The following COL24A1 variants were observed in gnomAD, a reference collection of about 807,000 sequenced individuals.
The protein encoded by COL24A1 is collagen type XXIV alpha 1 chain.
A neutral mutation model predicts 253.9 loss-of-function variants in COL24A1; 224 were observed. The ratio of observed to expected loss-of-function variants is 0.88; its 90% CI spans 0.79 to 0.99. The LOEUF (loss-of-function observed/expected upper bound fraction) is 0.99. Among genes scored for constraint, COL24A1 ranks in the 50% least tolerant of loss-of-function variants. The pLI is 0.00. For synonymous variants in COL24A1, 685 were observed against 673.7 expected (o/e 1.02, Z -0.26); for missense variants, 2,131 against 2,068.5 (o/e 1.03, Z -0.59).
intron 5 of COL24A1, among the ~76,000 whole-genome samples, chr1:86,110,611 G>A (rs779883944): frequency 1.3e-4 from 20 of 152,010 alleles, no homozygotes; most frequent in Non-Finnish European, 1.8e-4. Flanking sequence ...GAGCGAGCGC[G>A]AGTTCCGGGT....
At chr1:85,876,791 A>G (rs934646164) in intron 33 of COL24A1, among the ~76,000 whole-genome samples, 3 of 152,200 alleles carry the variant, frequency 2.0e-5, no homozygotes, top group African/African-American at 7.2e-5. Context: ...ATATATCCCA[A>G]ATTGGGTAAT....
chr1:85,861,534 T>C lies in COL24A1; in HGVS notation c.3300+6985A>G, dbSNP rs182738103. 1.2e-3 allele frequency among the ~76,000 whole-genome samples: 177 copies of C among 152,314 alleles called. 1 individual carries two copies. The highest frequency in any genetic ancestry group is 7.8e-3 in the Admixed American group (119 of 15,300). ...CTTTTACAGTTTTAGCTCTTACATT[T>C]AGGTCTATGACTCATTTGGAGTTCA... On this transcript the variant is annotated intron_variant, in intron 37 of 59. Coordinates refer to ENST00000370571, the MANE Select transcript of COL24A1 (RefSeq NM_152890.7).
rs1157240888 is a variant in COL24A1, at chr1:85,940,214, C to CTAA, written c.2562+21032_2562+21034dup. On this transcript the variant is annotated intron_variant, in intron 24 of 59. Coordinates refer to ENST00000370571, the MANE Select transcript of COL24A1 (RefSeq NM_152890.7). ...GGTCAGGAGATCGAGACCATCCTGG[C>CTAA]TAACACGGTGAAACCCCGTCTCTAC... 9.8e-5 allele frequency among the ~76,000 whole-genome samples: 2 copies of CTAA among 20,362 alleles called. 1 individual carries two copies. The highest frequency in any genetic ancestry group is 2.5e-4 in the African/African-American group (2 of 7,888). The allele number at this position is 20,362 out of a possible 152,430, so 13.4% of individuals were successfully genotyped here.
chr1:85,806,726 C>A (rs1672012737), intron 47 of COL24A1, among the ~76,000 whole-genome samples: 1 of 152,188 alleles, frequency 6.6e-6, no homozygotes, highest in African/African-American at 2.4e-5. Flanking sequence ...TTGACTCATG[C>A]ATAAATGAGA....
chr1:85,834,144 T>C (rs1675716824), intron 43 of COL24A1, among the ~76,000 whole-genome samples: 1 of 150,234 alleles, frequency 6.7e-6, no homozygotes, highest in Admixed American at 6.6e-5. Flanking sequence ...AAAAAGTAAA[T>C]ACAAAAAAAT....
At position 86,146,123 on chromosome 1, in the gene COL24A1, T is replaced by C. The variant is rs746671382; in HGVS notation, c.117A>G (p.Glu39=). Residue 39 remains glutamate (E), a synonymous_variant, in exon 2 of 60, where the codon GAA becomes GAG. Coordinates refer to ENST00000370571, the MANE Select transcript of COL24A1 (RefSeq NM_152890.7). ...ATTAAAAGGTAATTTTCTTACCTTG[T>C]TCTTGTGCATGAACAACCACCCCAG... ...CVAGVVVHAQ[E]QGIDILHQLG... is the part of the protein sequence containing the mutation. 72 of 1,610,366 alleles carry C rather than the reference T, an allele frequency of 4.5e-5. 2 individuals are homozygous for C. The South Asian group carries it at 7.6e-4, about 17-fold the overall frequency.
chr1:85,787,436 A>G (rs1387855516), intron 47 of COL24A1, among the ~76,000 whole-genome samples: 4 of 152,038 alleles, frequency 2.6e-5, no homozygotes, highest in Non-Finnish European at 4.4e-5. Context: ...CACATTGTTC[A>G]GCTCCCACTT....
chr1:85,866,217 C>T lies in COL24A1; in HGVS notation c.3300+2302G>A, dbSNP rs955869478. On this transcript the variant is annotated intron_variant, in intron 37 of 59. Coordinates refer to ENST00000370571, the MANE Select transcript of COL24A1 (RefSeq NM_152890.7). ...GGCAGAGGTTGCAGTGAGCCAAGAT[C>T]GTGCCACTGCACTTCTGGGTGAGAG... Among the ~76,000 whole-genome samples, 3 of 152,018 alleles carry T rather than the reference C, an allele frequency of 2.0e-5. No homozygotes were observed. In the East Asian group the frequency reaches 5.8e-4, roughly 29 times the overall value.
chr1:85,987,648 G>A lies in COL24A1; in HGVS notation c.2317C>T (p.Pro773Ser), dbSNP rs866560101. Reference protein sequence around the residue: ...PSGPPGPEGFPGDIGIPGQNG... With the variant: ...PSGPPGPEGFSGDIGIPGQNG... The stretch of plus-strand genomic sequence containing the variant: ...TGTCCAGGAATCCCAATATCTCCTG[G>A]AAAACCCTAGGGAATATAAAAATGT... Residue 773 changes from proline to serine, a missense_variant, in exon 20 of 60, where the codon CCA becomes TCA. Pro to Ser is a moderately conservative substitution (Grantham distance 74). Coordinates refer to ENST00000370571, the MANE Select transcript of COL24A1 (RefSeq NM_152890.7). 3 of 1,609,384 alleles carry A rather than the reference G, an allele frequency of 1.9e-6. No individual in the cohort carries two copies. The highest frequency in any genetic ancestry group is 1.1e-5 in the South Asian group (1 of 90,464).
At chr1:86,105,186 C>T (rs904456222) in intron 5 of COL24A1, among the ~76,000 whole-genome samples, 1 of 152,096 alleles carries the variant, frequency 6.6e-6, no homozygotes, top group Non-Finnish European at 1.5e-5. Flanking sequence ...GCTCCAGCTG[C>T]AATAGCGGTA....
intron 12 of COL24A1, chr1:86,045,945 T>G: frequency 2.7e-6 from 1 of 372,432 alleles, no homozygotes; most frequent in South Asian, 2.2e-5. Context: ...GGATTTAGAT[T>G]CAGTGGAGCT....
At chr1:85,950,524 AGT>A (rs1689787142) in intron 24 of COL24A1, among the ~76,000 whole-genome samples, 1 of 152,184 alleles carries the variant, frequency 6.6e-6, no homozygotes, top group African/African-American at 2.4e-5. Context: ...GTTTGAACCC[AGT>A]AAGTATTAGG....
Position 85,946,961 on chromosome 1 carries a change from C to T in COL24A1, c.2562+14288G>A, listed in dbSNP as rs185785251. ...AAAGAAATCCAGTCAGTGTGTACTTCATGCTTTTTGCACAGGACAAAAGGG... is the reference window on the plus strand; with the variant it reads ...AAAGAAATCCAGTCAGTGTGTACTTTATGCTTTTTGCACAGGACAAAAGGG... On this transcript the variant is annotated intron_variant, in intron 24 of 59. Transcript: ENST00000370571. 1.1e-3 allele frequency among the ~76,000 whole-genome samples: 165 copies of T among 152,336 alleles called. 1 individual carries two copies. Among genetic ancestry groups the T allele is most frequent in the African/African-American group, 3.7e-3 (154 of 41,584 alleles).
chr1:85,885,399 T>A (rs574591388), intron 32 of COL24A1, among the ~76,000 whole-genome samples: 4,491 of 109,452 alleles, frequency 0.041, 79 homozygotes, highest in Middle Eastern at 0.069. Context: ...ATATATATAT[T>A]TTTTTTTTAA....
chr1:85,810,439 C>A (rs909617778), intron 47 of COL24A1, among the ~76,000 whole-genome samples: 3 of 152,144 alleles, frequency 2.0e-5, no homozygotes, highest in Non-Finnish European at 4.4e-5. Context: ...GGCTACTCTG[C>A]CTATGGGGTA....
intron 18 of COL24A1, among the ~76,000 whole-genome samples, chr1:86,021,273 T>C (rs1697517607): frequency 2.6e-5 from 4 of 152,190 alleles, no homozygotes; most frequent in Admixed American, 2.6e-4. Flanking sequence ...TCTACCTTTT[T>C]CATAGAATTG....
rs577403505 is a variant in COL24A1, at chr1:85,829,710, C to G, written c.3682-5972G>C. ...ACTGCTACCCTTTCTTCCAGTTGAT[C>G]GCATGGCCTCCTGAGGCTTCTGCAT... On this transcript the variant is annotated intron_variant, in intron 43 of 59. Transcript: ENST00000370571. 2.2e-3 allele frequency among the ~76,000 whole-genome samples: 339 copies of G among 152,172 alleles called. 5 individuals are homozygous for G. Among genetic ancestry groups the G allele is most frequent in the African/African-American group, 7.8e-3 (324 of 41,534 alleles).
chr1:86,134,609 C>T lies in COL24A1; in HGVS notation c.122-8395G>A, dbSNP rs193138466. 2.6e-3 allele frequency among the ~76,000 whole-genome samples: 392 copies of T among 151,216 alleles called. 1 individual carries two copies. The highest frequency in any genetic ancestry group is 9.0e-3 in the African/African-American group (372 of 41,138). On this transcript the variant is annotated intron_variant, in intron 2 of 59. Coordinates refer to ENST00000370571, the MANE Select transcript of COL24A1 (RefSeq NM_152890.7). ...TTCTGCCTTCATTTCGGTATGTACC[C>T]AGTAGTCATTCAGGAGCAGGTTGTT...
At chr1:85,878,364 A>G (rs959742444) in intron 32 of COL24A1, among the ~76,000 whole-genome samples, 2 of 152,170 alleles carry the variant, frequency 1.3e-5, no homozygotes, top group African/African-American at 4.8e-5. Context: ...TTACAAAGAC[A>G]CTACTCCCAA....
Sources: gnomAD v4.1 joint callset for allele counts (sites outside exome capture counted in the v4.1 genomes callset) on GRCh38, gnomAD v4.1.1 for gene constraint, MANE v1.5 for transcripts, NCBI Gene and HGNC (gene_info 2026-07-23, HGNC 2026-07-21) for gene names.